LRRK1: variants seen among roughly 807,000 people sequenced by gnomAD.
The protein encoded by LRRK1 is leucine-rich repeat serine/threonine-protein kinase 1.
In LRRK1, 113 loss-of-function variants were observed where a neutral mutation model predicts 209.1. That is an observed-to-expected ratio of 0.54 (90% CI 0.46 to 0.63). The LOEUF (loss-of-function observed/expected upper bound fraction) is 0.63, where lower values mean the gene tolerates loss of function less well. LRRK1 is among the 30% of genes least tolerant of loss of function. LRRK1 has a pLI of 0.00. For missense variants in LRRK1, 2,284 were observed against 2,632.2 expected, an observed-to-expected ratio of 0.87 and a Z score of 2.89; for synonymous variants, 1,144 against 1,099.7, an observed-to-expected ratio of 1.04 and a Z score of -0.80.
At chr15:100,996,919 G>A (rs1184214970) in intron 6 of LRRK1, among the ~76,000 whole-genome samples, 1 of 152,166 alleles carries the variant, frequency 6.6e-6, no homozygotes. Context: ...GAATAAGAAA[G>A]AGAATAAGAG....
At chr15:100,965,142 TTA>T (rs1491023524) in intron 2 of LRRK1, among the ~76,000 whole-genome samples, 1 of 75,282 alleles carries the variant, frequency 1.3e-5, no homozygotes, top group Non-Finnish European at 3.4e-5. Context: ...GAATTCTGTT[TTA>T]TTACTCTTTC....
chr15:101,062,455 G>A, intron 30 of LRRK1, 119 bp from the exon 31 acceptor site: 2 of 717,160 alleles, frequency 2.8e-6, no homozygotes, highest in Non-Finnish European at 5.0e-6. Context: ...GTCAATCCAT[G>A]TAACTTTCCA....
rs765421226 is a variant in LRRK1, at chr15:101,053,329, G to T, written c.3963G>T (p.Ala1321=). 2.6e-5 allele frequency: 41 copies of T among 1,604,290 alleles called. No individual in the cohort carries two copies. The highest frequency in any genetic ancestry group is 1.6e-4 in the Middle Eastern group (1 of 6,084). Residue 1321 remains alanine, a synonymous_variant, in exon 26 of 34, where the codon GCG becomes GCT. Coordinates refer to ENST00000388948, the MANE Select transcript of LRRK1 (RefSeq NM_024652.6). ...CGCTGCAGCACCCCTGCATCGTGGC[G>T]CTCATCGGCATCAGCATCCACCCGC... The part of the protein sequence containing the change: ...LHALQHPCIV[A]LIGISIHPLC...
chr15:101,065,674 G>A lies in LRRK1; in HGVS notation c.5237G>A (p.Arg1746Lys). ...TCAGTCGTGTGCAGCTCTGAGGGCA[G>A]AGGGGAGGAGGTCGTCTGGTGCCTG... ...VTSVVCSSEG[R>K]GEEVVWCLDD... The change falls in exon 32 of 34, where the codon AGA becomes AAA. Residue 1746 changes from arginine to lysine, a missense_variant. Transcript: ENST00000388948. 1 of 1,614,168 alleles carries A rather than the reference G, an allele frequency of 6.2e-7. No individual in the cohort carries two copies. The highest frequency in any genetic ancestry group is 1.3e-5 in the African/African-American group (1 of 75,060).
chr15:100,971,708 C>G (rs4965752), intron 2 of LRRK1, among the ~76,000 whole-genome samples: 105,767 of 151,964 alleles, frequency 0.7, 37,193 homozygotes, highest in Middle Eastern at 0.76. Context: ...ACTCTGCTAT[C>G]AAACATTGAA....
intron 7 of LRRK1, among the ~76,000 whole-genome samples, chr15:101,009,811 C>T (rs996301472): frequency 3.9e-5 from 6 of 152,126 alleles, no homozygotes; most frequent in Non-Finnish European, 8.8e-5. Context: ...TGGTCTTGAC[C>T]TCCTGACCTC....
At chr15:101,054,220 C>A (rs933630113) in intron 26 of LRRK1, among the ~76,000 whole-genome samples, 4 of 152,202 alleles carry the variant, frequency 2.6e-5, no homozygotes, top group East Asian at 3.8e-4. Flanking sequence ...TCGATCCCCC[C>A]ACTTTAGCCT....
chr15:101,027,288 T>C lies in LRRK1; in HGVS notation c.2433T>C (p.Gly811=), dbSNP rs976242630. The change falls in exon 18 of 34, where the codon GGT becomes GGC. Residue 811 remains glycine, a synonymous_variant. Coordinates refer to ENST00000388948, the MANE Select transcript of LRRK1 (RefSeq NM_024652.6). The surrounding 1 kb of genome is among the most constrained non-coding windows in gnomAD (Gnocchi z 5.1). ...AGATTTCCTGCAAGAGCCTGGAAGGTCAGGAAGGGCTGCGACAGCTGATTT... is the reference window on the plus strand; with the variant it reads ...AGATTTCCTGCAAGAGCCTGGAAGGCCAGGAAGGGCTGCGACAGCTGATTT... ...LHEISCKSLE[G]QEGLRQLIFH... The C allele has an allele frequency of 1.2e-6, 2 of 1,613,898 alleles. No homozygotes were observed. Among genetic ancestry groups the C allele is most frequent in the Admixed American group, 3.3e-5 (2 of 60,010 alleles).
At chr15:101,045,874 A>G in intron 20 of LRRK1, 107 bp from the exon 21 acceptor site, 1 of 888,184 alleles carries the variant, frequency 1.1e-6, no homozygotes. Context: ...CAGCAGCCTG[A>G]GGTGTTCCAG....
At chr15:100,933,321 C>A (rs1458404868) in intron 2 of LRRK1, among the ~76,000 whole-genome samples, 8 of 152,180 alleles carry the variant, frequency 5.3e-5, no homozygotes, top group Non-Finnish European at 1.2e-4. Context: ...TGAGGGTCCT[C>A]TTCCATTCCT....
chr15:101,037,322 G>A (rs1327813429), intron 20 of LRRK1, among the ~76,000 whole-genome samples: 1 of 152,196 alleles, frequency 6.6e-6, no homozygotes, highest in Non-Finnish European at 1.5e-5. Context: ...TAACAGCAGA[G>A]TCGGTAGGCC....
At chr15:101,049,532 A>C in intron 22 of LRRK1, 112 bp from the exon 23 acceptor site, 1 of 1,256,464 alleles carries the variant, frequency 8.0e-7, no homozygotes, top group Non-Finnish European at 1.1e-6. Flanking sequence ...TGCAGGGCAC[A>C]GAGTCTCTCC....
chr15:100,962,441 A>T (rs1444467686), intron 2 of LRRK1, among the ~76,000 whole-genome samples: 11 of 152,016 alleles, frequency 7.2e-5, no homozygotes, highest in African/African-American at 2.4e-4. Flanking sequence ...GAAGCATAAT[A>T]ATTTCTTGAA....
At position 101,068,985 on chromosome 15, in the gene LRRK1, G is replaced by A. The variant is rs935333383; in HGVS notation, c.*137G>A. 2.4e-6 allele frequency: 2 copies of A among 834,176 alleles called. No homozygotes were observed. Among genetic ancestry groups the A allele is most frequent in the Admixed American group, 6.8e-5 (2 of 29,216 alleles). 51.7% of individuals were successfully genotyped at this position (834,176 alleles called of 1,614,324 possible). A position where few individuals can be genotyped will look rare whatever the true frequency, so the allele number is the denominator to read the frequency against. The stretch of plus-strand genomic sequence containing the variant: ...CCCCTGAACTCCTTGCTGCTAAGAA[G>A]TGCTGAGAAGTTACTCGCCTGGCGG... On this transcript the variant is annotated 3_prime_UTR_variant, in exon 34 of 34. Coordinates refer to ENST00000388948, the MANE Select transcript of LRRK1 (RefSeq NM_024652.6).
intron 9 of LRRK1, 98 bp downstream of exon 9, chr15:101,010,935 A>G (rs2141694128): frequency 9.3e-7 from 1 of 1,073,928 alleles, no homozygotes; most frequent in African/African-American, 1.6e-5. Flanking sequence ...TCATCCCCTC[A>G]GCAGCGAAGC....
rs756040865 is a variant in LRRK1 at position 101,008,800 on chromosome 15, C to T, written c.763-37C>T. On this transcript the variant is annotated intron_variant, in intron 6 of 33. Transcript: ENST00000388948. ...CAAGCCCATGTGGGCCCTGAACTCACCCTCCACATGTGCTTTTCCTTTCTT... is the reference window on the plus strand; with the variant it reads ...CAAGCCCATGTGGGCCCTGAACTCATCCTCCACATGTGCTTTTCCTTTCTT... 3.7e-5 allele frequency: 56 copies of T among 1,493,688 alleles called. 1 individual carries two copies. The South Asian group carries it at 5.8e-4, about 15-fold the overall frequency. 92.5% of individuals were successfully genotyped at this position (1,493,688 alleles called of 1,614,324 possible).
At position 101,021,830 on chromosome 15, in the gene LRRK1, C is replaced by G. The variant is rs1854149784; in HGVS notation, c.1740-15C>G. Reference sequence around the variant, plus strand: ...TGTGTGTGTATTCTCTCGTGGTGGACACATCTGTCTTCAGCAACCCTGGCC... The same window carrying G: ...TGTGTGTGTATTCTCTCGTGGTGGAGACATCTGTCTTCAGCAACCCTGGCC... On this transcript the variant is annotated splice_polypyrimidine_tract_variant and intron_variant, in intron 13 of 33. Transcript: ENST00000388948. 5 of 1,545,176 alleles carry G rather than the reference C, an allele frequency of 3.2e-6. No homozygotes were observed. Among genetic ancestry groups the G allele is most frequent in the Non-Finnish European group, 4.5e-6 (5 of 1,119,532 alleles).
chr15:101,038,140 G>C lies in LRRK1; in HGVS notation c.2964-7841G>C, dbSNP rs760467486. 1.5e-3 allele frequency among the ~76,000 whole-genome samples: 228 copies of C among 152,190 alleles called. 6 individuals are homozygous for C. Among genetic ancestry groups the C allele is most frequent in the Non-Finnish European group, 3.8e-4 (26 of 68,032 alleles). On this transcript the variant is annotated intron_variant, in intron 20 of 33. Coordinates refer to ENST00000388948, the MANE Select transcript of LRRK1 (RefSeq NM_024652.6). ...AGGAATGGAAAACTAAACATCATAT[G>C]TTCCAAATTATAATTGGGAGTTAAG...
intron 6 of LRRK1, among the ~76,000 whole-genome samples, chr15:100,998,220 G>T (rs946501933): frequency 6.6e-6 from 1 of 151,640 alleles, no homozygotes; most frequent in Non-Finnish European, 1.5e-5. Flanking sequence ...AATATCTGGT[G>T]GCAGGGAAAG....
Sources: gnomAD v4.1 joint callset for allele counts (sites outside exome capture counted in the v4.1 genomes callset) on GRCh38, gnomAD v4.1.1 for gene constraint, Gnocchi (gnomAD v3.1) non-coding constraint, MANE v1.5 for transcripts, NCBI Gene and HGNC (gene_info 2026-07-23, HGNC 2026-07-21) for gene names.